The following GADL1 variants were observed in gnomAD, a reference collection of about 807,000 sequenced individuals.
The protein encoded by GADL1 is GAD like acidic amino acid decarboxylase 1.
Under a neutral mutation model 69.5 loss-of-function variants are expected in GADL1, and 71 were observed. The ratio of observed to expected loss-of-function variants is 1.02; its 90% confidence interval spans 0.84 to 1.25. The LOEUF (loss-of-function observed/expected upper bound fraction) is 1.25, where lower values mean the gene tolerates loss of function less well. Among genes scored for constraint, GADL1 ranks in the 50% most tolerant of loss-of-function variants. GADL1 has a pLI of 0.00. For synonymous variants in GADL1, 254 were observed against 214.4 expected, an observed-to-expected ratio of 1.18 and a Z score of -1.62; for missense variants, 737 against 631.8, an observed-to-expected ratio of 1.17 and a Z score of -1.79.
chr3:30,794,148 A>G (rs937516014), intron 12 of GADL1, among the ~76,000 whole-genome samples: 1 of 152,210 alleles, frequency 6.6e-6, no homozygotes, highest in South Asian at 2.1e-4. Flanking sequence ...CACCTTTTCC[A>G]TACTGATAAC....
intron 14 of GADL1, among the ~76,000 whole-genome samples, chr3:30,763,425 C>A (rs1226948606): frequency 1.4e-5 from 2 of 144,790 alleles, no homozygotes; most frequent in Non-Finnish European, 1.5e-5. Flanking sequence ...ATGGCTGAAC[C>A]CGGGAGGTGG....
At chr3:30,766,000 C>T (rs1321554128) in intron 14 of GADL1, among the ~76,000 whole-genome samples, 1 of 152,010 alleles carries the variant, frequency 6.6e-6, no homozygotes, top group Non-Finnish European at 1.5e-5. Context: ...TGCTCAGGTG[C>T]CAGGAAATAA....
chr3:30,866,300 A>T (rs570194823), intron 1 of GADL1, among the ~76,000 whole-genome samples: 1 of 152,108 alleles, frequency 6.6e-6, no homozygotes, highest in Admixed American at 6.6e-5. Flanking sequence ...TCTACCAAAA[A>T]ATACAAAAAT....
intron 11 of GADL1, among the ~76,000 whole-genome samples, chr3:30,830,161 C>G (rs2125521898): frequency 6.6e-6 from 1 of 151,970 alleles, no homozygotes; most frequent in East Asian, 2.0e-4. Flanking sequence ...TGACCTACCT[C>G]CCCTAAAAGG....
At chr3:30,893,023 T>G (rs1698804570) in intron 1 of GADL1, among the ~76,000 whole-genome samples, 1 of 152,054 alleles carries the variant, frequency 6.6e-6, no homozygotes, top group Non-Finnish European at 1.5e-5. Context: ...CCCGGCTAAT[T>G]TTTTGTATTT....
At chr3:30,751,895 A>G (rs1006728397) in intron 14 of GADL1, among the ~76,000 whole-genome samples, 1 of 152,226 alleles carries the variant, frequency 6.6e-6, no homozygotes, top group East Asian at 1.9e-4. Context: ...TTCATCCCCA[A>G]CCAATCTTGT....
intron 13 of GADL1, among the ~76,000 whole-genome samples, chr3:30,782,082 C>T (rs1696678479): frequency 1.3e-5 from 2 of 152,206 alleles, no homozygotes; most frequent in Admixed American, 1.3e-4. Context: ...GAATAGAGGA[C>T]AGGGTGTACT....
At chr3:30,787,498 G>A (rs1386409340) in intron 12 of GADL1, among the ~76,000 whole-genome samples, 1 of 152,110 alleles carries the variant, frequency 6.6e-6, no homozygotes, top group East Asian at 1.9e-4. Context: ...ACTTGACCCA[G>A]TACTTCAAAT....
intron 11 of GADL1, among the ~76,000 whole-genome samples, chr3:30,815,398 G>T (rs1010292738): frequency 6.6e-6 from 1 of 152,148 alleles, no homozygotes; most frequent in African/African-American, 2.4e-5. Context: ...AGGTCTCCAG[G>T]TATGAGAATT....
rs759414785 is a variant in GADL1, at chr3:30,800,913, ACT to A, written c.1224_1225del (p.Arg408SerfsTer2). On this transcript the variant is annotated frameshift_variant, in exon 12 of 15. Transcript: ENST00000282538. LOFTEE classifies it high-confidence loss of function. ...CCTAGATAAAGCAAGAGCACGATTA[ACT>A]CTTTCTTCAAGGCCTAATGTACCCA... 6.4e-5 allele frequency: 103 copies of A among 1,609,586 alleles called. 3 individuals carry two copies. In the South Asian group the frequency reaches 1.1e-3, roughly 17 times the overall value.
chr3:30,817,966 T>C (rs1697503420), intron 11 of GADL1, among the ~76,000 whole-genome samples: 1 of 152,184 alleles, frequency 6.6e-6, no homozygotes, highest in African/African-American at 2.4e-5. Flanking sequence ...AAGATACAAT[T>C]CTTGTTTTTT....
At chr3:30,886,473 A>G (rs1481239933) in intron 1 of GADL1, among the ~76,000 whole-genome samples, 2 of 152,154 alleles carry the variant, frequency 1.3e-5, no homozygotes, top group South Asian at 2.1e-4. Context: ...TATGGACACA[A>G]CAAGAGCAAA....
chr3:30,809,756 AT>A (rs1697318570), intron 11 of GADL1, among the ~76,000 whole-genome samples: 1 of 152,194 alleles, frequency 6.6e-6, no homozygotes, highest in South Asian at 2.1e-4. Flanking sequence ...TCATATTTTT[AT>A]ATTACTTGGA....
intron 12 of GADL1, among the ~76,000 whole-genome samples, chr3:30,787,293 G>A (rs543282244): frequency 4.0e-4 from 61 of 152,240 alleles, no homozygotes; most frequent in African/African-American, 1.5e-3. Flanking sequence ...AAAGAGAATT[G>A]TCACACCTAA....
intron 14 of GADL1, among the ~76,000 whole-genome samples, chr3:30,763,933 T>C (rs982065931): frequency 1.3e-5 from 2 of 152,002 alleles, no homozygotes; most frequent in African/African-American, 2.4e-5. Context: ...ATTCTCTTGA[T>C]AATAAAAAGG....
chr3:30,860,595 G>T (rs534226993), intron 2 of GADL1, among the ~76,000 whole-genome samples: 1 of 151,978 alleles, frequency 6.6e-6, no homozygotes, highest in Non-Finnish European at 1.5e-5. Flanking sequence ...CTAGTTTTCC[G>T]AAAGGCATGT....
In GADL1 at chr3:30,871,381, A is replaced by G. The variant is rs1226146995; in HGVS notation, c.38-9616T>C. On this transcript the variant is annotated intron_variant, in intron 1 of 14. Coordinates refer to ENST00000282538, the MANE Select transcript of GADL1 (RefSeq NM_207359.3). ...GGGAGAGGGAGGAAATGAACTAAATAGTAGACAGGATGGTAGGTTTACATT... is the reference window on the plus strand; with the variant it reads ...GGGAGAGGGAGGAAATGAACTAAATGGTAGACAGGATGGTAGGTTTACATT... 4.6e-5 allele frequency among the ~76,000 whole-genome samples: 7 copies of G among 151,706 alleles called. No individual in the cohort carries two copies. In the East Asian group the frequency reaches 1.4e-3, roughly 29 times the overall value.
chr3:30,762,958 C>T (rs550291467), intron 14 of GADL1, among the ~76,000 whole-genome samples: 1 of 152,264 alleles, frequency 6.6e-6, no homozygotes, highest in Admixed American at 6.5e-5. Context: ...TGTATATGTA[C>T]CATACTTTAT....
intron 1 of GADL1, among the ~76,000 whole-genome samples, chr3:30,883,871 GT>G (rs1698673430): frequency 6.6e-6 from 1 of 151,836 alleles, no homozygotes; most frequent in African/African-American, 2.4e-5. Context: ...CATTGGGTTT[GT>G]TACTATTTTT....
Sources: allele counts gnomAD v4.1 joint callset (sites outside exome capture counted in the v4.1 genomes callset), GRCh38; gene constraint gnomAD v4.1.1; transcripts MANE v1.5; gene names NCBI Gene and HGNC (gene_info 2026-07-23, HGNC 2026-07-21).